POLK: variants seen among roughly 807,000 people sequenced by gnomAD.
POLK encodes polymerase (DNA directed) kappa.
A neutral mutation model predicts 94.0 loss-of-function variants in POLK; 76 were observed. That is an observed-to-expected ratio of 0.81 (90% CI 0.67 to 0.98). The LOEUF (loss-of-function observed/expected upper bound fraction) is 0.98, where lower values mean the gene tolerates loss of function less well. POLK is among the 50% of genes least tolerant of loss of function. The pLI is 0.00. For missense variants in POLK, 954 were observed against 1,010.1 expected (o/e 0.94, Z 0.75); for synonymous variants, 349 against 325.4 (o/e 1.07, Z -0.78).
At chr5:75,572,630 T>C (rs1217601191) in intron 4 of POLK, among the ~76,000 whole-genome samples, 1 of 152,166 alleles carries the variant, frequency 6.6e-6, no homozygotes, top group Non-Finnish European at 1.5e-5. Flanking sequence ...GAAGTTTAGT[T>C]GGTAGAAATA....
chr5:75,559,648 C>T (rs1050807036), intron 3 of POLK, among the ~76,000 whole-genome samples: 18 of 150,812 alleles, frequency 1.2e-4, no homozygotes, highest in African/African-American at 3.2e-4. Flanking sequence ...ACAGTCCTCC[C>T]GCCTCAGCCT....
upstream of POLK, chr5:75,511,665 T>C (rs1768014376): frequency 6.6e-7 from 1 of 1,514,338 alleles, no homozygotes; most frequent in Non-Finnish European, 8.9e-7. Context: ...CTCCCCTTCG[T>C]CCTCCCATTC....
intron 6 of POLK, among the ~76,000 whole-genome samples, chr5:75,578,811 A>G (rs1334097284): frequency 6.6e-6 from 1 of 152,198 alleles, no homozygotes; most frequent in African/African-American, 2.4e-5. Context: ...CTCTACATAC[A>G]AATAAAATAA....
intron 3 of POLK, among the ~76,000 whole-genome samples, chr5:75,558,417 A>G (rs1042056595): frequency 1.3e-5 from 2 of 152,060 alleles, no homozygotes; most frequent in East Asian, 1.9e-4. Flanking sequence ...CCTGCATAGT[A>G]TTATTTTCCC....
At chr5:75,556,391 C>T (rs923711488) in intron 3 of POLK, among the ~76,000 whole-genome samples, 18 of 152,238 alleles carry the variant, frequency 1.2e-4, no homozygotes, top group African/African-American at 4.3e-4. Context: ...TTTAAGAGTT[C>T]TTCGTGTATT....
At chr5:75,595,248 GAAA>G (rs58783164) in intron 12 of POLK, among the ~76,000 whole-genome samples, 108 of 24,878 alleles carry the variant, frequency 4.3e-3, no homozygotes, top group Admixed American at 0.023. Flanking sequence ...CTCCACCTCA[GAAA>G]AAAAAAAAAA....
chr5:75,587,389 A>G (rs1477444053), intron 10 of POLK, among the ~76,000 whole-genome samples: 1 of 152,210 alleles, frequency 6.6e-6, no homozygotes, highest in African/African-American at 2.4e-5. Flanking sequence ...AGAAGTAACA[A>G]TGGGAATTCT....
exon 1 of POLK, chr5:75,511,894 G>A: frequency 7.0e-7 from 1 of 1,436,234 alleles, no homozygotes; most frequent in Non-Finnish European, 9.5e-7. Flanking sequence ...GGGAGTTGTA[G>A]TCGCGATCCT....
intron 1 of POLK, among the ~76,000 whole-genome samples, chr5:75,522,577 G>C (rs1317009756): frequency 6.6e-6 from 1 of 152,000 alleles, no homozygotes; most frequent in African/African-American, 2.4e-5. Context: ...GTTATACTGC[G>C]GAAAACATTT....
At chr5:75,591,896 A>G (rs1772808674) in intron 11 of POLK, among the ~76,000 whole-genome samples, 1 of 152,222 alleles carries the variant, frequency 6.6e-6, no homozygotes, top group South Asian at 2.1e-4. Context: ...CATGGGGTGT[A>G]TAATAGCCAC....
chr5:75,552,373 T>C, intron 2 of POLK, 99 bp from the exon 3 acceptor site: 1 of 1,089,178 alleles, frequency 9.2e-7, no homozygotes, highest in Non-Finnish European at 1.3e-6. Context: ...AAATTTAATC[T>C]TCTGTTTCCT....
chr5:75,552,351 G>C lies in POLK; in HGVS notation c.136-121G>C. The C allele has an allele frequency of 6.1e-6, 5 of 822,346 alleles. No individual in the cohort carries two copies. The South Asian group carries it at 1.1e-4, about 18-fold the overall frequency. 50.9% of individuals were successfully genotyped at this position (822,346 alleles called of 1,614,324 possible). A position where few individuals can be genotyped will look rare whatever the true frequency, so the allele number is the denominator to read the frequency against. ...AGGGTCACCTAGCTAGTAAGTAGTA[G>C]AGCTAAGTTTTAAATTTAATCTTCT... is the stretch of plus-strand genomic sequence containing the variant. On this transcript the variant is annotated intron_variant, in intron 2 of 14. Coordinates refer to ENST00000241436, the Ensembl canonical transcript of POLK.
At chr5:75,574,873 A>G (rs1392963782) in intron 5 of POLK, among the ~76,000 whole-genome samples, 2 of 152,242 alleles carry the variant, frequency 1.3e-5, no homozygotes, top group African/African-American at 4.8e-5. Flanking sequence ...ATAAAATACT[A>G]ATCATAAATA....
intron 1 of POLK, among the ~76,000 whole-genome samples, chr5:75,519,129 A>G (rs1393462318): frequency 6.6e-6 from 1 of 152,200 alleles, no homozygotes; most frequent in African/African-American, 2.4e-5. Context: ...CCCTGCCAGG[A>G]ACAAGTCATT....
At chr5:75,569,251 A>G (rs1385096697) in intron 3 of POLK, 89 bp from the exon 4 acceptor site, 2 of 854,226 alleles carry the variant, frequency 2.3e-6, no homozygotes, top group East Asian at 5.3e-5. Flanking sequence ...AGACTGATAG[A>G]CACTTAATAA....
chr5:75,589,388 T>TACACACACACACACAC lies in POLK; in HGVS notation c.1260-921_1260-906dup, dbSNP rs71600465. 5.2e-3 allele frequency among the ~76,000 whole-genome samples: 661 copies of TACACACACACACACAC among 128,238 alleles called. 5 individuals are homozygous for TACACACACACACACAC. The highest frequency in any genetic ancestry group is 5.9e-3 in the Non-Finnish European group (359 of 61,342). 84.1% of individuals were successfully genotyped at this position (128,238 alleles called of 152,430 possible). A position where few individuals can be genotyped will look rare whatever the true frequency, so the allele number is the denominator to read the frequency against. Reference sequence around the variant, plus strand: ...TGCTTATTTTATATATATACACACATACACACACACACACACACACACACA... The same window carrying TACACACACACACACAC: ...TGCTTATTTTATATATATACACACATACACACACACACACACACACACACACACACACACACACACA... On this transcript the variant is annotated intron_variant, in intron 10 of 14. Coordinates refer to ENST00000241436, the Ensembl canonical transcript of POLK.
At chr5:75,581,772 T>G (rs774259984) in intron 7 of POLK, 160 of 220,660 alleles carry the variant, frequency 7.3e-4, no homozygotes, top group Non-Finnish European at 1.2e-3. Flanking sequence ...CTCTGCCTCC[T>G]GGGTTCAAGC....
chr5:75,521,573 C>G (rs963231642), intron 1 of POLK, among the ~76,000 whole-genome samples: 1 of 152,156 alleles, frequency 6.6e-6, no homozygotes, highest in Non-Finnish European at 1.5e-5. Context: ...TCACATATCA[C>G]TCTCTCGTTA....
chr5:75,594,131 C>A, intron 12 of POLK, 82 bp downstream of exon 12: 2 of 925,296 alleles, frequency 2.2e-6, no homozygotes, highest in South Asian at 1.7e-5. Flanking sequence ...CAGGGGGCCC[C>A]CAACTTAACA....
Sources: allele counts gnomAD v4.1 joint callset (sites outside exome capture counted in the v4.1 genomes callset), GRCh38; gene constraint gnomAD v4.1.1; transcripts MANE v1.5; gene names NCBI Gene and HGNC (gene_info 2026-07-23, HGNC 2026-07-21).